WFDC10B: variants seen among roughly 807,000 people sequenced by gnomAD.
The protein encoded by WFDC10B is WAP four-disulfide core domain 10B.
A neutral mutation model predicts 2.7 loss-of-function variants in WFDC10B; 1 was observed. The ratio of observed to expected loss-of-function variants is 0.38; its 90% CI spans 0.13 to 1.79. The LOEUF (loss-of-function observed/expected upper bound fraction) is 1.79, where lower values mean the gene tolerates loss of function less well. Ranked by LOEUF, WFDC10B falls within the 40% of genes most tolerant of loss-of-function variation. The pLI, the probability that WFDC10B is intolerant of heterozygous loss-of-function variation, is 0.33. For synonymous variants in WFDC10B, 26 were observed against 32.2 expected, an observed-to-expected ratio of 0.81 and a Z score of 0.65; for missense variants, 71 against 87.8, an observed-to-expected ratio of 0.81 and a Z score of 0.76.
chr20:45,699,231 G>T (rs1984072991), intron 2 of WFDC10B, among the ~76,000 whole-genome samples: 2 of 152,094 alleles, frequency 1.3e-5, no homozygotes, highest in Non-Finnish European at 2.9e-5. Flanking sequence ...CCTCAAAAAA[G>T]TAAACATACA....
At position 45,693,659 on chromosome 20, in the gene WFDC10B, G is replaced by A. The variant is rs144529879; in HGVS notation, c.-64-7603C>T. On this transcript the variant is annotated intron_variant, in intron 2 of 3. Coordinates refer to ENST00000330523, the MANE Select transcript of WFDC10B (RefSeq NM_172006.2). Reference sequence around the variant, plus strand: ...GGTGTGGGATATAATCTCCTGGTGCGCCGTTTTTTAAGCCTGTCGGAAAAG... The same window carrying A: ...GGTGTGGGATATAATCTCCTGGTGCACCGTTTTTTAAGCCTGTCGGAAAAG... Among the ~76,000 whole-genome samples the A allele has an allele frequency of 3.4e-3, 514 of 152,298 alleles. 3 individuals are homozygous for A. The highest frequency in any genetic ancestry group is 0.011 in the African/African-American group (445 of 41,554).
intron 2 of WFDC10B, among the ~76,000 whole-genome samples, chr20:45,688,082 T>A (rs1983686577): frequency 7.3e-6 from 1 of 136,906 alleles, no homozygotes; most frequent in Non-Finnish European, 1.5e-5. Context: ...TGTCCATGTG[T>A]TCTCATTGTT....
At chr20:45,686,861 A>C (rs1983637926) in intron 2 of WFDC10B, among the ~76,000 whole-genome samples, 1 of 152,104 alleles carries the variant, frequency 6.6e-6, no homozygotes, top group Admixed American at 6.6e-5. Context: ...GGGTTCCGCC[A>C]TGTTGGCCAG....
chr20:45,689,771 A>G (rs1042605456), intron 2 of WFDC10B, among the ~76,000 whole-genome samples: 14 of 152,222 alleles, frequency 9.2e-5, no homozygotes, highest in Non-Finnish European at 1.6e-4. Context: ...TAGATATGCA[A>G]TCATGTCATC....
At chr20:45,693,741 T>C (rs558632521) in intron 2 of WFDC10B, among the ~76,000 whole-genome samples, 12 of 152,206 alleles carry the variant, frequency 7.9e-5, no homozygotes, top group Non-Finnish European at 1.6e-4. Context: ...CACCCCTTTC[T>C]TTGACTAGGA....
intron 3 of WFDC10B, among the ~76,000 whole-genome samples, chr20:45,685,425 A>C: frequency 1.3e-5 from 2 of 150,232 alleles, no homozygotes; most frequent in Non-Finnish European, 3.0e-5. Flanking sequence ...TCCCACCACC[A>C]CTCTCCTGGC....
intron 3 of WFDC10B, among the ~76,000 whole-genome samples, chr20:45,685,526 C>G (rs1292665944): frequency 6.6e-6 from 1 of 152,166 alleles, no homozygotes; most frequent in Non-Finnish European, 1.5e-5. Context: ...CATTTCTACA[C>G]CTACACCTAC....
intron 2 of WFDC10B, among the ~76,000 whole-genome samples, chr20:45,692,729 C>A (rs1026623899): frequency 2.6e-5 from 4 of 152,108 alleles, no homozygotes; most frequent in Non-Finnish European, 2.9e-5. Flanking sequence ...GTTATACATT[C>A]GTCTAAATTT....
At chr20:45,694,936 A>G (rs1229786722) in intron 2 of WFDC10B, among the ~76,000 whole-genome samples, 1 of 152,256 alleles carries the variant, frequency 6.6e-6, no homozygotes, top group Non-Finnish European at 1.5e-5. Flanking sequence ...GAACACATCC[A>G]TGTGCCAGGA....
chr20:45,704,797 C>G (rs1984323130), intron 1 of WFDC10B, 121 bp downstream of exon 1: 1 of 1,300,062 alleles, frequency 7.7e-7, no homozygotes, highest in Non-Finnish European at 1.1e-6. Context: ...CTCCCAATCA[C>G]CACATCCCAT....
chr20:45,693,525 T>G (rs2145638059), intron 2 of WFDC10B, among the ~76,000 whole-genome samples: 1 of 152,286 alleles, frequency 6.6e-6, no homozygotes, highest in East Asian at 1.9e-4. Context: ...AGCAAGCCTG[T>G]GCAATGGTGG....
intron 2 of WFDC10B, among the ~76,000 whole-genome samples, chr20:45,689,363 T>C (rs1320986697): frequency 5.9e-5 from 9 of 151,436 alleles, no homozygotes; most frequent in South Asian, 2.1e-4. Context: ...AGTAGTTTTT[T>C]CCAATTCTGT....
At position 45,684,742 on chromosome 20, in the gene WFDC10B, A is replaced by G. The variant is rs1462632824; in HGVS notation, c.*88T>C. On this transcript the variant is annotated 3_prime_UTR_variant, in exon 4 of 4. Transcript: ENST00000330523. The stretch of plus-strand genomic sequence containing the variant: ...TCCTGTTGATGTTCTTGTGCTGATG[A>G]TTTGATGTCCTTGTGCTTCGGATGT... 1.3e-6 allele frequency: 2 copies of G among 1,544,022 alleles called. No individual in the cohort carries two copies. The highest frequency in any genetic ancestry group is 1.8e-6 in the Non-Finnish European group (2 of 1,137,408).
At chr20:45,691,486 G>T (rs1983810935) in intron 2 of WFDC10B, among the ~76,000 whole-genome samples, 2 of 150,790 alleles carry the variant, frequency 1.3e-5, no homozygotes, top group African/African-American at 4.9e-5. Flanking sequence ...CTCTTTGTAG[G>T]TCACTCAGGA....
At chr20:45,687,216 T>G (rs1026106912) in intron 2 of WFDC10B, among the ~76,000 whole-genome samples, 2 of 152,160 alleles carry the variant, frequency 1.3e-5, no homozygotes, top group African/African-American at 4.8e-5. Flanking sequence ...TTCTCATTGT[T>G]CAGCTCCCAC....
At chr20:45,685,809 G>A in intron 3 of WFDC10B, 93 bp downstream of exon 3, 1 of 1,537,466 alleles carries the variant, frequency 6.5e-7, no homozygotes, top group Non-Finnish European at 8.8e-7. Flanking sequence ...TATGCAGAAA[G>A]GTTGCAAGTC....
chr20:45,691,689 G>A lies in WFDC10B; in HGVS notation c.-64-5633C>T, dbSNP rs181358936. On this transcript the variant is annotated intron_variant, in intron 2 of 3. Transcript: ENST00000330523. ...GCCTTTTTTTATTTTCCATTTGCTT[G>A]GTAGATCTTCCTCCACCCTTTTATT... Among the ~76,000 whole-genome samples, 26 of 152,074 alleles carry A rather than the reference G, an allele frequency of 1.7e-4. No homozygotes were observed. In the East Asian group the frequency reaches 4.6e-3, roughly 27 times the overall value.
chr20:45,684,979 A>T lies in WFDC10B; in HGVS notation c.92-19T>A. 1 of 1,613,382 alleles carries T rather than the reference A, an allele frequency of 6.2e-7. No individual in the cohort carries two copies. Among genetic ancestry groups the T allele is most frequent in the Non-Finnish European group, 8.5e-7 (1 of 1,179,650 alleles). ...TTGATTCCTGAAATGATGCAGGAGC[A>T]GGGTCAATGAAACCATGCACCTATA... On this transcript the variant is annotated intron_variant, in intron 3 of 3. Transcript: ENST00000330523.
intron 2 of WFDC10B, among the ~76,000 whole-genome samples, chr20:45,687,442 T>C (rs1464272851): frequency 6.6e-6 from 1 of 152,218 alleles, no homozygotes; most frequent in East Asian, 1.9e-4. Context: ...TTTCATGTCT[T>C]TGCTATTGTG....
Sources: allele counts gnomAD v4.1 joint callset (sites outside exome capture counted in the v4.1 genomes callset), GRCh38; gene constraint gnomAD v4.1.1; transcripts MANE v1.5; gene names NCBI Gene and HGNC (gene_info 2026-07-23, HGNC 2026-07-21).